Variants in SH3GL3 observed in about 807,000 individuals in gnomAD.
The protein encoded by SH3GL3 is SH3 domain containing GRB2 like 3, endophilin A3.
In SH3GL3, 33 loss-of-function variants were observed where a neutral mutation model predicts 47.7. The ratio of observed to expected loss-of-function variants is 0.69; its 90% CI spans 0.52 to 0.92. The LOEUF is 0.92. Among genes scored for constraint, SH3GL3 ranks in the 40% least tolerant of loss-of-function variants. The pLI, the probability that SH3GL3 is intolerant of heterozygous loss-of-function variation, is 0.00. For missense variants in SH3GL3, 363 were observed against 417.8 expected (o/e 0.87, Z 1.14); for synonymous variants, 155 against 148.8 (o/e 1.04, Z -0.30).
chr15:83,582,422 A>C (rs2059854297), intron 6 of SH3GL3, among the ~76,000 whole-genome samples: 1 of 152,052 alleles, frequency 6.6e-6, no homozygotes. Context: ...TCCAAAATCC[A>C]TTCCATGGGA....
At chr15:83,626,557 A>G in the SH3GL3 span, among the ~76,000 whole-genome samples, 1 of 152,114 alleles carries the variant, frequency 6.6e-6, no homozygotes, top group Admixed American at 6.5e-5. Context: ...GAATAAGATG[A>G]TATTTTGGTT....
chr15:83,457,279 T>C (rs1373213009), intron 1 of SH3GL3, among the ~76,000 whole-genome samples: 2 of 152,182 alleles, frequency 1.3e-5, no homozygotes, highest in East Asian at 3.9e-4. Flanking sequence ...AGACTAACCA[T>C]CTACTGATGA....
At chr15:83,632,350 AT>A in the SH3GL3 span, among the ~76,000 whole-genome samples, 31 of 152,178 alleles carry the variant, frequency 2.0e-4, no homozygotes, top group African/African-American at 7.5e-4. Context: ...TCTAGAGGTA[AT>A]CTCCTGGTGG....
chr15:83,499,681 T>C (rs769687564), intron 1 of SH3GL3, among the ~76,000 whole-genome samples: 1 of 152,206 alleles, frequency 6.6e-6, no homozygotes, highest in Non-Finnish European at 1.5e-5. Flanking sequence ...TAATAGTCAA[T>C]GAAATGACCA....
At chr15:83,630,618 C>T in the SH3GL3 span, among the ~76,000 whole-genome samples, 9 of 151,954 alleles carry the variant, frequency 5.9e-5, no homozygotes, top group Non-Finnish European at 1.0e-4. Flanking sequence ...ATGAGCAAAG[C>T]AGGGAGAAAC....
intron 1 of SH3GL3, chr15:83,490,766 A>G: frequency 6.2e-7 from 1 of 1,609,442 alleles, no homozygotes; most frequent in Non-Finnish European, 8.5e-7. Flanking sequence ...TTTTAAGTGA[A>G]TAAGACCATT....
At chr15:83,505,356 G>A (rs998846974) in intron 1 of SH3GL3, among the ~76,000 whole-genome samples, 1 of 151,914 alleles carries the variant, frequency 6.6e-6, no homozygotes, top group Non-Finnish European at 1.5e-5. Context: ...GGACGTGAAA[G>A]TTCCCATTAT....
chr15:83,539,106 C>G (rs370178167), intron 1 of SH3GL3, among the ~76,000 whole-genome samples: 2 of 152,082 alleles, frequency 1.3e-5, no homozygotes, highest in African/African-American at 4.8e-5. Flanking sequence ...TGTATTTCCA[C>G]GATTATAATT....
chr15:83,553,909 T>C (rs993280234), intron 1 of SH3GL3, among the ~76,000 whole-genome samples: 3 of 152,220 alleles, frequency 2.0e-5, no homozygotes, highest in African/African-American at 7.2e-5. Context: ...TTTCCTATGG[T>C]CCATACTTTC....
At chr15:83,470,616 A>T (rs2040787552) in intron 1 of SH3GL3, among the ~76,000 whole-genome samples, 1 of 152,186 alleles carries the variant, frequency 6.6e-6, no homozygotes, top group Admixed American at 6.5e-5. Context: ...CATGTAGACC[A>T]CTTACATTTA....
At chr15:83,474,018 G>A (rs908184653) in intron 1 of SH3GL3, among the ~76,000 whole-genome samples, 2 of 152,012 alleles carry the variant, frequency 1.3e-5, no homozygotes, top group African/African-American at 4.8e-5. Context: ...CCACCTTTCA[G>A]AGTCTTCTTA....
At chr15:83,457,195 C>T (rs2040033543) in intron 1 of SH3GL3, among the ~76,000 whole-genome samples, 1 of 152,162 alleles carries the variant, frequency 6.6e-6, no homozygotes, top group Non-Finnish European at 1.5e-5. Flanking sequence ...TCTTGTCTTC[C>T]AGGGTCCTTG....
At chr15:83,473,855 C>CGT (rs1555475359) in intron 1 of SH3GL3, among the ~76,000 whole-genome samples, 25 of 139,248 alleles carry the variant, frequency 1.8e-4, no homozygotes, top group Non-Finnish European at 3.3e-4. Context: ...CCTGTTGGGG[C>CGT]TTTTTTTTTT....
intron 1 of SH3GL3, among the ~76,000 whole-genome samples, chr15:83,556,051 G>A (rs988624041): frequency 7.2e-5 from 11 of 152,140 alleles, no homozygotes; most frequent in African/African-American, 2.4e-4. Flanking sequence ...GGAGTGCATC[G>A]GAGTTGAATT....
intron 1 of SH3GL3, among the ~76,000 whole-genome samples, chr15:83,475,157 A>G (rs1051764808): frequency 5.9e-5 from 9 of 151,354 alleles, no homozygotes; most frequent in African/African-American, 1.7e-4. Context: ...ATAAAAAACT[A>G]TAATTTTATA....
chr15:83,627,302 C>G, the SH3GL3 span, among the ~76,000 whole-genome samples: 1 of 151,348 alleles, frequency 6.6e-6, no homozygotes, highest in Non-Finnish European at 1.5e-5. Context: ...GAGGCTGAGG[C>G]CGGAGAATGG....
intron 8 of SH3GL3, among the ~76,000 whole-genome samples, chr15:83,592,554 T>C (rs2060135798): frequency 6.6e-6 from 1 of 152,202 alleles, no homozygotes. Flanking sequence ...CTTTCACTCC[T>C]CCCCAAGCTC....
chr15:83,495,578 T>A (rs1447173619), intron 1 of SH3GL3, among the ~76,000 whole-genome samples: 1 of 151,936 alleles, frequency 6.6e-6, no homozygotes, highest in Non-Finnish European at 1.5e-5. Flanking sequence ...CTACCAAAAA[T>A]ACAAAGAAGT....
chr15:83,506,988 G>C (rs916063190), intron 1 of SH3GL3, among the ~76,000 whole-genome samples: 2 of 151,310 alleles, frequency 1.3e-5, no homozygotes, highest in Non-Finnish European at 2.9e-5. Context: ...TGTTACTGAG[G>C]TTTGAAACCC....
Sources: allele counts gnomAD v4.1 joint callset (sites outside exome capture counted in the v4.1 genomes callset), GRCh38; gene constraint gnomAD v4.1.1; transcripts MANE v1.5; gene names NCBI Gene and HGNC (gene_info 2026-07-23, HGNC 2026-07-21).